The following ADAMTSL1 variants were observed in gnomAD, a reference collection of about 807,000 sequenced individuals.
ADAMTSL1 encodes the protein ADAMTS like 1.
A neutral mutation model predicts 201.8 loss-of-function variants in ADAMTSL1; 126 were observed. That is an observed-to-expected ratio of 0.62 (90% CI 0.54 to 0.72). The LOEUF is 0.72. ADAMTSL1 is among the 30% of genes least tolerant of loss of function. The pLI, the probability that ADAMTSL1 is intolerant of heterozygous loss-of-function variation, is 0.00. For missense variants in ADAMTSL1, 2,679 were observed against 2,277.8 expected, an observed-to-expected ratio of 1.18 and a Z score of -3.59; for synonymous variants, 1,121 against 903.4, an observed-to-expected ratio of 1.24 and a Z score of -4.32.
At chr9:18,126,011 C>A (rs1329349950) in intron 1 of ADAMTSL1, among the ~76,000 whole-genome samples, 2 of 152,110 alleles carry the variant, frequency 1.3e-5, no homozygotes, top group African/African-American at 2.4e-5. Context: ...CCAGTAGGAA[C>A]CCTGCCTGAC....
At chr9:18,866,693 A>G (rs1169528684) in intron 23 of ADAMTSL1, among the ~76,000 whole-genome samples, 2 of 152,182 alleles carry the variant, frequency 1.3e-5, no homozygotes, top group African/African-American at 4.8e-5. Context: ...CTATGTTAGG[A>G]TTGTTGTAGT....
chr9:18,454,588 GTTA>G (rs1180389373), intron 2 of ADAMTSL1, among the ~76,000 whole-genome samples: 1 of 152,120 alleles, frequency 6.6e-6, no homozygotes, highest in Non-Finnish European at 1.5e-5. Flanking sequence ...ATCCCTCTCA[GTTA>G]TTGTTATGGC....
intron 23 of ADAMTSL1, among the ~76,000 whole-genome samples, chr9:18,842,473 T>G (rs1051545388): frequency 2.0e-5 from 3 of 152,314 alleles, no homozygotes; most frequent in Middle Eastern, 3.4e-3. Context: ...TGGTCAATTT[T>G]GGAATAGGTG....
At chr9:18,816,224 G>A (rs1048123423) in intron 20 of ADAMTSL1, among the ~76,000 whole-genome samples, 3 of 152,060 alleles carry the variant, frequency 2.0e-5, no homozygotes, top group African/African-American at 4.8e-5. Flanking sequence ...CTACATATAA[G>A]TGAGATAATG....
intron 2 of ADAMTSL1, among the ~76,000 whole-genome samples, chr9:18,217,095 A>C (rs1830082553): frequency 6.6e-6 from 1 of 152,142 alleles, no homozygotes; most frequent in Non-Finnish European, 1.5e-5. Context: ...AGGGGCATTT[A>C]ATCTGGGCTC....
At chr9:18,026,669 T>G (rs2131595000) in intron 1 of ADAMTSL1, among the ~76,000 whole-genome samples, 1 of 152,204 alleles carries the variant, frequency 6.6e-6, no homozygotes, top group African/African-American at 2.4e-5. Flanking sequence ...AAGTTTTCTT[T>G]TTTCGTTGTG....
chr9:18,297,761 A>G (rs935589937), intron 2 of ADAMTSL1, among the ~76,000 whole-genome samples: 1 of 152,118 alleles, frequency 6.6e-6, no homozygotes, highest in African/African-American at 2.4e-5. Flanking sequence ...CTCTTAACTG[A>G]AGGGAAAGGG....
intron 1 of ADAMTSL1, among the ~76,000 whole-genome samples, chr9:18,034,089 C>T (rs1821092028): frequency 6.6e-6 from 1 of 152,164 alleles, no homozygotes; most frequent in East Asian, 1.9e-4. Context: ...TCAATTGTTT[C>T]CTTATATCTC....
At chr9:18,834,226 T>C in intron 23 of ADAMTSL1, among the ~76,000 whole-genome samples, 1 of 152,156 alleles carries the variant, frequency 6.6e-6, no homozygotes. Context: ...CTGTGAAAAA[T>C]GTCGTTGATA....
intron 15 of ADAMTSL1, among the ~76,000 whole-genome samples, chr9:18,725,983 C>T (rs1304638764): frequency 6.6e-6 from 1 of 152,148 alleles, no homozygotes; most frequent in Non-Finnish European, 1.5e-5. Context: ...TGATTTAGAC[C>T]TACTCTGTCA....
chr9:18,254,411 G>GTACTCCA (rs1831593503), intron 2 of ADAMTSL1, among the ~76,000 whole-genome samples: 1 of 120,900 alleles, frequency 8.3e-6, no homozygotes, highest in African/African-American at 3.3e-5. Context: ...CCCCCAGGCT[G>GTACTCCA]GAGTACAGTG....
At chr9:18,809,017 G>T (rs1563819003) in intron 20 of ADAMTSL1, among the ~76,000 whole-genome samples, 1 of 152,180 alleles carries the variant, frequency 6.6e-6, no homozygotes. Context: ...TACTTATTGA[G>T]AATCTACTAG....
intron 24 of ADAMTSL1, among the ~76,000 whole-genome samples, chr9:18,889,282 C>T (rs1453020314): frequency 6.6e-6 from 1 of 152,162 alleles, no homozygotes; most frequent in Non-Finnish European, 1.5e-5. Context: ...TCTTTTATGT[C>T]AGACACTGAG....
At chr9:17,999,292 T>C (rs1306205229) in intron 1 of ADAMTSL1, among the ~76,000 whole-genome samples, 3 of 152,140 alleles carry the variant, frequency 2.0e-5, no homozygotes, top group Non-Finnish European at 4.4e-5. Context: ...GACCAGAGGC[T>C]AGAACTGGTG....
At chr9:18,896,466 C>T (rs1829644516) in intron 26 of ADAMTSL1, among the ~76,000 whole-genome samples, 1 of 150,936 alleles carries the variant, frequency 6.6e-6, no homozygotes, top group Admixed American at 6.7e-5. Flanking sequence ...GAAGCAGCTG[C>T]AGTCCACAGC....
intron 13 of ADAMTSL1, among the ~76,000 whole-genome samples, chr9:18,693,786 G>T (rs1371562639): frequency 6.6e-6 from 1 of 152,168 alleles, no homozygotes; most frequent in African/African-American, 2.4e-5. Context: ...ATAAAGATTT[G>T]CATTGTGATT....
chr9:18,636,101 A>G, intron 6 of ADAMTSL1, 84 bp downstream of exon 6: 2 of 1,124,978 alleles, frequency 1.8e-6, no homozygotes, highest in Non-Finnish European at 2.5e-6. Context: ...AGATTAAAAC[A>G]CAAGAATACA....
chr9:18,559,972 C>T (rs1821373526), intron 3 of ADAMTSL1, among the ~76,000 whole-genome samples: 1 of 152,168 alleles, frequency 6.6e-6, no homozygotes, highest in Admixed American at 6.6e-5. Context: ...AATTTGACTT[C>T]CCCTTTTCCT....
At chr9:18,023,118 A>G (rs1820547434) in intron 1 of ADAMTSL1, among the ~76,000 whole-genome samples, 2 of 150,014 alleles carry the variant, frequency 1.3e-5, no homozygotes, top group African/African-American at 4.9e-5. Flanking sequence ...TGGTTTCTAG[A>G]TCTCTAGTTC....
Sources: gnomAD v4.1 joint callset for allele counts (sites outside exome capture counted in the v4.1 genomes callset) on GRCh38, gnomAD v4.1.1 for gene constraint, MANE v1.5 for transcripts, NCBI Gene and HGNC (gene_info 2026-07-23, HGNC 2026-07-21) for gene names.